SCFD2: variants seen among roughly 807,000 people sequenced by gnomAD.
SCFD2 encodes the protein sec1 family domain containing 2, also known as sec1 family domain-containing protein 2.
In SCFD2, 54 loss-of-function variants were observed where a neutral mutation model predicts 58.9. That is an observed-to-expected ratio of 0.92 (90% CI 0.74 to 1.15). The LOEUF (loss-of-function observed/expected upper bound fraction) is 1.15. SCFD2 is among the 50% of genes most tolerant of loss of function. The pLI, the probability that SCFD2 is intolerant of heterozygous loss-of-function variation, is 0.00. For synonymous variants in SCFD2, 321 were observed against 335.9 expected (o/e 0.96, Z 0.49); for missense variants, 805 against 836.6 (o/e 0.96, Z 0.47).
chr4:53,233,208 G>A (rs1339101516), intron 4 of SCFD2, among the ~76,000 whole-genome samples: 2 of 151,986 alleles, frequency 1.3e-5, no homozygotes, highest in Non-Finnish European at 2.9e-5. Flanking sequence ...AGGAACCTAG[G>A]TGTTTAACAA....
At chr4:53,047,453 C>CA (rs1723071125) in intron 5 of SCFD2, among the ~76,000 whole-genome samples, 1 of 151,982 alleles carries the variant, frequency 6.6e-6, no homozygotes, top group Non-Finnish European at 1.5e-5. Flanking sequence ...GTCTCTAAAA[C>CA]AAAAAACAAA....
At chr4:52,954,506 G>A (rs1199785685) in intron 5 of SCFD2, among the ~76,000 whole-genome samples, 1 of 152,070 alleles carries the variant, frequency 6.6e-6, no homozygotes, top group Non-Finnish European at 1.5e-5. Flanking sequence ...ATATTCAGTT[G>A]GGCCAAATGA....
In SCFD2 at chr4:53,316,474, A is replaced by T. The variant is rs1732865255; in HGVS notation, c.1008-2711T>A. Among the ~76,000 whole-genome samples the T allele has an allele frequency of 2.0e-5, 3 of 152,256 alleles. No homozygotes were observed. In the South Asian group the frequency reaches 6.2e-4, roughly 31 times the overall value. ...GTTGTAGGATTAAATAATATAATTC[A>T]TTTAAAGCACTTTCCTGATTCACAA... On this transcript the variant is annotated intron_variant, in intron 2 of 8. Coordinates refer to ENST00000401642, the MANE Select transcript of SCFD2 (RefSeq NM_152540.4).
intron 5 of SCFD2, among the ~76,000 whole-genome samples, chr4:52,993,425 G>A (rs1194026910): frequency 6.6e-6 from 1 of 152,038 alleles, no homozygotes; most frequent in Admixed American, 6.5e-5. Context: ...AAAAAAGTAT[G>A]TTTTTTAATT....
intron 5 of SCFD2, among the ~76,000 whole-genome samples, chr4:53,053,342 T>C (rs372801040): frequency 2.6e-5 from 4 of 152,178 alleles, no homozygotes; most frequent in South Asian, 2.1e-4. Flanking sequence ...GGGAATATTG[T>C]ATATGCACTG....
At chr4:52,948,276 T>A in intron 5 of SCFD2, 1 of 278,932 alleles carries the variant, frequency 3.6e-6, no homozygotes, top group South Asian at 3.7e-5. Context: ...TGGCTCTTAA[T>A]CAGCAGAGCC....
At chr4:53,283,677 T>C (rs190579815) in intron 3 of SCFD2, among the ~76,000 whole-genome samples, 402 of 152,126 alleles carry the variant, frequency 2.6e-3, no homozygotes, top group African/African-American at 9.2e-3. Flanking sequence ...CAAGTGATTC[T>C]CATGGCTCAG....
At chr4:53,069,546 C>T (rs1419304044) in intron 5 of SCFD2, among the ~76,000 whole-genome samples, 2 of 151,954 alleles carry the variant, frequency 1.3e-5, no homozygotes, top group Admixed American at 6.6e-5. Context: ...TTCGAGGTGG[C>T]TCTTTGATTT....
chr4:53,096,850 C>A (rs1479423255), intron 5 of SCFD2, among the ~76,000 whole-genome samples: 2 of 152,216 alleles, frequency 1.3e-5, no homozygotes, highest in South Asian at 2.1e-4. Context: ...GGTTTTAGGT[C>A]TAACATGTAA....
chr4:53,114,680 T>C (rs1399894988), intron 5 of SCFD2, among the ~76,000 whole-genome samples: 7 of 152,066 alleles, frequency 4.6e-5, no homozygotes, highest in Admixed American at 3.3e-4. Flanking sequence ...ATTAAGAGAA[T>C]TGCTTCAGGA....
At chr4:53,046,550 T>TG (rs1553872249) in intron 5 of SCFD2, among the ~76,000 whole-genome samples, 1 of 152,058 alleles carries the variant, frequency 6.6e-6, no homozygotes, top group African/African-American at 2.4e-5. Context: ...TTTTTTTTTT[T>TG]TGTGATATCC....
At chr4:53,078,120 C>T (rs1161886174) in intron 5 of SCFD2, among the ~76,000 whole-genome samples, 1 of 152,104 alleles carries the variant, frequency 6.6e-6, no homozygotes, top group Admixed American at 6.6e-5. Flanking sequence ...TTTTTAGCAC[C>T]ATCATTTGCC....
chr4:53,273,143 T>G (rs1268815520), intron 4 of SCFD2, among the ~76,000 whole-genome samples: 2 of 152,186 alleles, frequency 1.3e-5, no homozygotes, highest in Non-Finnish European at 2.9e-5. Flanking sequence ...ATGAAAATAA[T>G]GATAAATCAT....
At position 53,365,969 on chromosome 4, in the gene SCFD2, T is replaced by C. The variant is rs1734695661; in HGVS notation, c.-28A>G. On this transcript the variant is annotated 5_prime_UTR_variant, in exon 1 of 9. Transcript: ENST00000401642. This position sits in a 1 kb window ranked among gnomAD's most constrained non-coding sequence, Gnocchi z 4.3. The stretch of plus-strand genomic sequence containing the variant: ...TTGGGGATTCGCAGACTTGGGAAAC[T>C]ACGGTGCAGGAACTTCTTTCAGAAC... The C allele has an allele frequency of 2.0e-6, 3 of 1,510,810 alleles. No homozygotes were observed. The South Asian group carries it at 3.9e-5, about 20-fold the overall frequency. The allele number at this position is 1,510,810 out of a possible 1,614,324, so 93.6% of individuals were successfully genotyped here. A position where few individuals can be genotyped will look rare whatever the true frequency, so the allele number is the denominator to read the frequency against.
chr4:53,228,653 C>T (rs1370064898), intron 4 of SCFD2, among the ~76,000 whole-genome samples: 1 of 152,156 alleles, frequency 6.6e-6, no homozygotes, highest in Admixed American at 6.5e-5. Context: ...GACAAACCCA[C>T]AGCCAATATC....
At chr4:53,080,705 A>G (rs1724120868) in intron 5 of SCFD2, among the ~76,000 whole-genome samples, 1 of 152,190 alleles carries the variant, frequency 6.6e-6, no homozygotes, top group Non-Finnish European at 1.5e-5. Flanking sequence ...TTAACCCCTA[A>G]GAACTATTTT....
intron 4 of SCFD2, among the ~76,000 whole-genome samples, chr4:53,148,971 G>A (rs1390724271): frequency 6.6e-6 from 1 of 152,208 alleles, no homozygotes; most frequent in Non-Finnish European, 1.5e-5. Flanking sequence ...GATTGTGCCA[G>A]TGCAACAGAG....
chr4:52,922,830 T>C (rs185867449), intron 5 of SCFD2, among the ~76,000 whole-genome samples: 1 of 152,206 alleles, frequency 6.6e-6, no homozygotes, highest in Non-Finnish European at 1.5e-5. Flanking sequence ...CCACCAACAG[T>C]GTAAGAGGGT....
At chr4:52,982,203 A>G (rs1337108606) in intron 5 of SCFD2, among the ~76,000 whole-genome samples, 1 of 152,200 alleles carries the variant, frequency 6.6e-6, no homozygotes, top group Non-Finnish European at 1.5e-5. Flanking sequence ...GGTGTCTGTC[A>G]CAGCATAAGC....
Sources: gnomAD v4.1 joint callset for allele counts (sites outside exome capture counted in the v4.1 genomes callset) on GRCh38, gnomAD v4.1.1 for gene constraint, Gnocchi (gnomAD v3.1) non-coding constraint, MANE v1.5 for transcripts, NCBI Gene and HGNC (gene_info 2026-07-23, HGNC 2026-07-21) for gene names.